ZC3H12B: variants seen among roughly 807,000 people sequenced by gnomAD.
ZC3H12B encodes probable ribonuclease ZC3H12B.
In ZC3H12B, 7 loss-of-function variants were observed where a neutral mutation model predicts 43.9. That is an observed-to-expected ratio of 0.16 (90% CI 0.09 to 0.30). The LOEUF (loss-of-function observed/expected upper bound fraction) is 0.30, where lower values mean the gene tolerates loss of function less well. ZC3H12B is among the 10% of genes least tolerant of loss of function. ZC3H12B has a pLI of 1.00. For synonymous variants in ZC3H12B, 222 were observed against 241.7 expected (o/e 0.92, Z 0.76); for missense variants, 475 against 670.2 (o/e 0.71, Z 3.22).
At chrX:65,349,574 G>T in the ZC3H12B span, among the ~76,000 whole-genome samples, 1 of 111,257 alleles carries the variant, frequency 9.0e-6, no homozygotes, top group Admixed American at 9.6e-5. Flanking sequence ...ATGAATCCAG[G>T]AGCTGTTTTT....
the ZC3H12B span, among the ~76,000 whole-genome samples, chrX:65,128,616 A>G: frequency 8.9e-6 from 1 of 111,840 alleles, no homozygotes; most frequent in Non-Finnish European, 1.9e-5. Context: ...CTTATTTTAT[A>G]ATTGTTCTAT....
chrX:65,215,122 A>C, the ZC3H12B span, among the ~76,000 whole-genome samples: 1 of 112,010 alleles, frequency 8.9e-6, no homozygotes, highest in Non-Finnish European at 1.9e-5. Flanking sequence ...TTGTCCATTT[A>C]CAAAGCACAT....
At chrX:65,289,465 AC>A in the ZC3H12B span, among the ~76,000 whole-genome samples, 1 of 110,129 alleles carries the variant, frequency 9.1e-6, no homozygotes, top group Non-Finnish European at 1.9e-5. Context: ...CATGTAACAA[AC>A]CTGCACATGT....
At chrX:65,060,211 C>T in the ZC3H12B span, among the ~76,000 whole-genome samples, 1 of 112,006 alleles carries the variant, frequency 8.9e-6, no homozygotes, top group African/African-American at 3.2e-5. Context: ...ATATATTTCT[C>T]CTGTCTCATT....
the ZC3H12B span, among the ~76,000 whole-genome samples, chrX:65,179,385 A>G: frequency 2.8e-5 from 3 of 105,360 alleles, no homozygotes; most frequent in Non-Finnish European, 5.7e-5. Flanking sequence ...CTGCACATGT[A>G]TCTCATAACT....
the ZC3H12B span, among the ~76,000 whole-genome samples, chrX:65,134,104 G>T: frequency 9.0e-6 from 1 of 110,836 alleles, no homozygotes; most frequent in African/African-American, 3.3e-5. Flanking sequence ...GAGAACACAG[G>T]CTAAGGGAGA....
chrX:65,436,176 CA>C (rs201691083), intron 3 of ZC3H12B, among the ~76,000 whole-genome samples: 2,023 of 111,872 alleles, frequency 0.018, 36 homozygotes, highest in Middle Eastern at 0.037. Flanking sequence ...ACACAGTTTT[CA>C]AACAACCAGA....
the ZC3H12B span, among the ~76,000 whole-genome samples, chrX:65,144,796 G>T: frequency 8.1e-4 from 90 of 111,170 alleles, no homozygotes; most frequent in African/African-American, 2.8e-3. Context: ...GGTTCCTTTT[G>T]GAGTTTCCAG....
At chrX:65,287,730 A>T in the ZC3H12B span, among the ~76,000 whole-genome samples, 1 of 111,579 alleles carries the variant, frequency 9.0e-6, no homozygotes, top group African/African-American at 3.3e-5. Flanking sequence ...ATGCAAATTA[A>T]CAATGTAACA....
At chrX:65,245,056 G>T in the ZC3H12B span, among the ~76,000 whole-genome samples, 1 of 111,313 alleles carries the variant, frequency 9.0e-6, no homozygotes, top group Non-Finnish European at 1.9e-5. Flanking sequence ...TGACAAGAGG[G>T]ATGTTAATAC....
chrX:65,160,613 T>G, the ZC3H12B span, among the ~76,000 whole-genome samples: 1 of 111,939 alleles, frequency 8.9e-6, no homozygotes, highest in African/African-American at 3.2e-5. Flanking sequence ...TGATATCCCC[T>G]TTATCATTTT....
chrX:65,068,489 G>T, the ZC3H12B span, among the ~76,000 whole-genome samples: 3 of 111,455 alleles, frequency 2.7e-5, no homozygotes, highest in Non-Finnish European at 3.8e-5. Flanking sequence ...CAAGCAAAAA[G>T]GAAACTAACA....
intron 2 of ZC3H12B, among the ~76,000 whole-genome samples, chrX:65,497,691 C>T (rs1016883870): frequency 1.7e-4 from 19 of 111,781 alleles, no homozygotes; most frequent in African/African-American, 6.2e-4. Flanking sequence ...AAAAGTCCCA[C>T]AGCAGTCAGA....
intron 3 of ZC3H12B, among the ~76,000 whole-genome samples, chrX:65,455,580 CA>C (rs2067596114): frequency 9.0e-6 from 1 of 111,730 alleles, no homozygotes; most frequent in Non-Finnish European, 1.9e-5. Context: ...AGAAATTCCC[CA>C]ATCTAGCAAG....
chrX:65,440,779 C>A (rs2067291791), intron 3 of ZC3H12B, among the ~76,000 whole-genome samples: 1 of 112,225 alleles, frequency 8.9e-6, no homozygotes, highest in Non-Finnish European at 1.9e-5. Flanking sequence ...TAACATTCTT[C>A]ATTTACCTGA....
the ZC3H12B span, among the ~76,000 whole-genome samples, chrX:65,300,147 C>T: frequency 8.9e-6 from 1 of 112,073 alleles, no homozygotes; most frequent in Middle Eastern, 4.6e-3. Flanking sequence ...CACGAAGTTT[C>T]CTGGACAGAA....
chrX:65,200,693 C>T, the ZC3H12B span, among the ~76,000 whole-genome samples: 1 of 110,384 alleles, frequency 9.1e-6, no homozygotes, highest in African/African-American at 3.3e-5. Flanking sequence ...ACCTCAGCCT[C>T]CCAAAGTGCT....
chrX:65,487,370 A>G (rs1233967382), upstream of ZC3H12B, among the ~76,000 whole-genome samples: 1 of 111,725 alleles, frequency 9.0e-6, no homozygotes, highest in Non-Finnish European at 1.9e-5. Context: ...GTGAAACCTC[A>G]TCTCTACTAA....
At chrX:65,160,474 T>C in the ZC3H12B span, among the ~76,000 whole-genome samples, 11 of 111,832 alleles carry the variant, frequency 9.8e-5, no homozygotes, top group South Asian at 3.7e-4. Flanking sequence ...TCAACTTCTT[T>C]GTGGTTTAGT....
Sources: allele counts gnomAD v4.1 joint callset (sites outside exome capture counted in the v4.1 genomes callset), GRCh38; gene constraint gnomAD v4.1.1; transcripts MANE v1.5; gene names NCBI Gene and HGNC (gene_info 2026-07-23, HGNC 2026-07-21).